Variants in CCDC85C observed in about 807,000 individuals in gnomAD.
The protein encoded by CCDC85C is coiled-coil domain-containing protein 85C.
CCDC85C carries 18 observed loss-of-function variants against 38.3 expected under a neutral mutation model. The observed-to-expected ratio is 0.47, with a 90% CI of 0.33 to 0.70. The LOEUF is 0.70. Ranked by LOEUF, CCDC85C falls within the 30% of genes least tolerant of loss-of-function variation. The pLI is 0.03. For synonymous variants in CCDC85C, 264 were observed against 293.8 expected (o/e 0.90, Z 1.04); for missense variants, 566 against 621.2 (o/e 0.91, Z 0.94).
intron 1 of CCDC85C, among the ~76,000 whole-genome samples, chr14:99,549,726 G>A (rs149064210): frequency 5.0e-4 from 76 of 152,340 alleles, no homozygotes; most frequent in African/African-American, 1.5e-3. Flanking sequence ...TGGGCTTCCC[G>A]CGTTTCACAT....
intron 1 of CCDC85C, among the ~76,000 whole-genome samples, chr14:99,554,647 C>T (rs1897976815): frequency 6.6e-6 from 1 of 152,242 alleles, no homozygotes; most frequent in Admixed American, 6.5e-5. Context: ...TGGTCCCCAC[C>T]CAGGCTCAAG....
intron 1 of CCDC85C, among the ~76,000 whole-genome samples, chr14:99,546,231 G>T (rs1326302445): frequency 1.3e-5 from 2 of 151,952 alleles, no homozygotes; most frequent in African/African-American, 4.8e-5. Context: ...AAGAGCTGGG[G>T]GGCCGGGATG....
Position 99,510,308 on chromosome 14 carries a change from AC to A in CCDC85C, c.*4937del. The A allele has an allele frequency of 1.5e-5, 5 of 343,248 alleles. No homozygotes were observed. Among genetic ancestry groups the A allele is most frequent in the Non-Finnish European group, 1.8e-5 (4 of 217,114 alleles). The allele number at this position is 343,248 out of a possible 1,614,324, so 21.3% of individuals were successfully genotyped here. A position where few individuals can be genotyped will look rare whatever the true frequency, so the allele number is the denominator to read the frequency against. On this transcript the variant is annotated 3_prime_UTR_variant, in exon 6 of 6. Coordinates refer to ENST00000380243, the MANE Select transcript of CCDC85C (RefSeq NM_001144995.2). ...CGCTGCCACACCGGCCCCCGCCCCC[AC>A]CCCCCTCCAGCTACATGACCGGGAT...
At chr14:99,525,833 A>C (rs1362479704) in intron 2 of CCDC85C, among the ~76,000 whole-genome samples, 2 of 152,102 alleles carry the variant, frequency 1.3e-5, no homozygotes, top group Non-Finnish European at 2.9e-5. Context: ...ACCTGGCGCG[A>C]CTCTGGACCG....
intron 3 of CCDC85C, among the ~76,000 whole-genome samples, chr14:99,518,536 C>T (rs1209718649): frequency 6.6e-6 from 1 of 151,384 alleles, no homozygotes; most frequent in East Asian, 2.0e-4. Context: ...GGGAACCCAA[C>T]AGGGACGCTG....
At chr14:99,593,658 G>A (rs1186067649) in intron 1 of CCDC85C, among the ~76,000 whole-genome samples, 1 of 152,254 alleles carries the variant, frequency 6.6e-6, no homozygotes, top group Non-Finnish European at 1.5e-5. Flanking sequence ...AACGTGAACT[G>A]ACACCAGTCT....
At chr14:99,540,603 A>T (rs1291734277) in intron 1 of CCDC85C, among the ~76,000 whole-genome samples, 1 of 152,156 alleles carries the variant, frequency 6.6e-6, no homozygotes, top group Non-Finnish European at 1.5e-5. Flanking sequence ...AAAATGAGGG[A>T]GGTGACCCTG....
intron 1 of CCDC85C, among the ~76,000 whole-genome samples, chr14:99,590,383 G>C (rs17641534): frequency 0.45 from 69,136 of 152,092 alleles, 17,269 homozygotes; most frequent in Non-Finnish European, 0.55. Context: ...TTGGTGGCAG[G>C]CTCACCAGAA....
Position 99,522,476 on chromosome 14 carries a change from T to G in CCDC85C, c.868-236A>C, listed in dbSNP as rs1165682521. ...CAACGTGGGCTTTGTAAACATTTGTTGGATGGCTGAATAAACAGAATGAAT... is the reference window on the plus strand; with the variant it reads ...CAACGTGGGCTTTGTAAACATTTGTGGGATGGCTGAATAAACAGAATGAAT... On this transcript the variant is annotated intron_variant, in intron 2 of 5. Coordinates refer to ENST00000380243, the MANE Select transcript of CCDC85C (RefSeq NM_001144995.2). 63 of 426,876 alleles carry G rather than the reference T, an allele frequency of 1.5e-4. No individual in the cohort carries two copies. In the South Asian group the frequency reaches 2.1e-3, roughly 14 times the overall value. The allele number at this position is 426,876 out of a possible 1,614,324, so 26.4% of individuals were successfully genotyped here. A position where few individuals can be genotyped will look rare whatever the true frequency, so the allele number is the denominator to read the frequency against.
Position 99,603,460 on chromosome 14 carries a change from C to A in CCDC85C, c.500G>T (p.Gly167Val). ...GCCGGCGCCGCCCCCGCCGCCGCCG[C>A]CACCGCTTGCGGCCCCCGTCGCCGC... ...ALAATGAASG[G>V]GGGGGGAGSR... is the part of the protein sequence containing the mutation. The change falls in exon 1 of 6, where the codon GGC (glycine) becomes GTC (valine). Residue 167 changes from glycine to valine, a missense_variant. This residue lies in a region of CCDC85C where 269 missense variants were observed against 308.2 expected (regional missense o/e 0.87). Coordinates refer to ENST00000380243, the MANE Select transcript of CCDC85C (RefSeq NM_001144995.2). This position sits in a 1 kb window ranked among gnomAD's most constrained non-coding sequence, Gnocchi z 7.5. 7.8e-7 allele frequency: 1 copy of A among 1,283,108 alleles called. No individual in the cohort carries two copies. The allele number at this position is 1,283,108 out of a possible 1,614,324, so 79.5% of individuals were successfully genotyped here.
intron 1 of CCDC85C, among the ~76,000 whole-genome samples, chr14:99,546,704 A>T (rs1897814388): frequency 6.6e-6 from 1 of 152,154 alleles, no homozygotes; most frequent in Non-Finnish European, 1.5e-5. Flanking sequence ...AGCCCAGAAA[A>T]GACCCACACA....
At chr14:99,596,529 C>A (rs2055144781) in intron 1 of CCDC85C, among the ~76,000 whole-genome samples, 1 of 152,226 alleles carries the variant, frequency 6.6e-6, no homozygotes, top group Non-Finnish European at 1.5e-5. Flanking sequence ...TGGAGGTCAG[C>A]GGTGACCTGC....
At chr14:99,589,801 T>C (rs1381144562) in intron 1 of CCDC85C, among the ~76,000 whole-genome samples, 1 of 152,046 alleles carries the variant, frequency 6.6e-6, no homozygotes, top group Non-Finnish European at 1.5e-5. Context: ...TCTGTCATGA[T>C]CCCCAAAATA....
In CCDC85C at chr14:99,521,828, G is replaced by A. The variant is rs185928773; in HGVS notation, c.975+305C>T. Among the ~76,000 whole-genome samples the A allele has an allele frequency of 2.1e-3, 322 of 152,342 alleles. 1 individual carries two copies. The highest frequency in any genetic ancestry group is 7.5e-3 in the African/African-American group (311 of 41,592). On this transcript the variant is annotated intron_variant, in intron 3 of 5. Transcript: ENST00000380243. ...TGAACCCCAAGCTCCAGGGCTGGCCGGGTACCCTCTCCCCACCGTGGCCAA... is the reference window on the plus strand; with the variant it reads ...TGAACCCCAAGCTCCAGGGCTGGCCAGGTACCCTCTCCCCACCGTGGCCAA...
chr14:99,515,516 CT>C (rs1897208727), intron 5 of CCDC85C, among the ~76,000 whole-genome samples, 181 bp from the exon 6 acceptor site: 5 of 152,180 alleles, frequency 3.3e-5, no homozygotes, highest in African/African-American at 4.8e-5. Flanking sequence ...GCCGCGCTAA[CT>C]ATCGGGCCTG....
Position 99,502,203 on chromosome 14 carries a change from C to A in CCDC85C, c.*13043G>T. The stretch of plus-strand genomic sequence containing the variant: ...TCTAACCTTTTTTTTTCTTGTTGAA[C>A]TAGTCTCTGCACCACCTTGTCACTG... On this transcript the variant is annotated 3_prime_UTR_variant, in exon 6 of 6. Coordinates refer to ENST00000380243, the MANE Select transcript of CCDC85C (RefSeq NM_001144995.2). 1 of 1,572,920 alleles carries A rather than the reference C, an allele frequency of 6.4e-7. No individual in the cohort carries two copies. The highest frequency in any genetic ancestry group is 8.6e-7 in the Non-Finnish European group (1 of 1,159,114).
In CCDC85C at chr14:99,507,396, G is replaced by T; in HGVS notation, c.*7850C>A. On this transcript the variant is annotated 3_prime_UTR_variant, in exon 6 of 6. Coordinates refer to ENST00000380243, the MANE Select transcript of CCDC85C (RefSeq NM_001144995.2). ...GTTCGAGGTCAGCCTGGGCAACAAA[G>T]TGAGACCCTGTCTAAAAAATTAGCC... The T allele has an allele frequency of 4.2e-6, 2 of 480,656 alleles. No homozygotes were observed. Among genetic ancestry groups the T allele is most frequent in the Non-Finnish European group, 7.7e-6 (2 of 261,430 alleles). The allele number at this position is 480,656 out of a possible 1,614,324, so 29.8% of individuals were successfully genotyped here. A position where few individuals can be genotyped will look rare whatever the true frequency, so the allele number is the denominator to read the frequency against.
At chr14:99,554,877 G>A (rs1897980940) in intron 1 of CCDC85C, among the ~76,000 whole-genome samples, 1 of 152,216 alleles carries the variant, frequency 6.6e-6, no homozygotes, top group Non-Finnish European at 1.5e-5. Flanking sequence ...GGGCCCCAGA[G>A]CACCTCTCTG....
chr14:99,583,255 A>G lies in CCDC85C; in HGVS notation c.793+19912T>C, dbSNP rs372560475. The G allele has an allele frequency of 2.4e-4, 36 of 152,358 alleles. No homozygotes were observed. The East Asian group carries it at 3.7e-3, about 15-fold the overall frequency. The allele number at this position is 152,358 out of a possible 1,614,324, so 9.4% of individuals were successfully genotyped here. The stretch of plus-strand genomic sequence containing the variant: ...GGCATGGTGTCACACCTGTAATCCC[A>G]GCACTTTGGGAGGCCAAGGCGGATG... On this transcript the variant is annotated intron_variant, in intron 1 of 5. Transcript: ENST00000380243.
Sources: gnomAD v4.1 joint callset for allele counts (sites outside exome capture counted in the v4.1 genomes callset) on GRCh38, gnomAD v4.1.1 for gene constraint, gnomAD v4.1.1 regional missense constraint, Gnocchi (gnomAD v3.1) non-coding constraint, MANE v1.5 for transcripts, NCBI Gene and HGNC (gene_info 2026-07-23, HGNC 2026-07-21) for gene names.